The following NTM variants were observed in gnomAD, a reference collection of about 807,000 sequenced individuals.
NTM encodes the protein neurotrimin.
In NTM, 13 loss-of-function variants were observed where a neutral mutation model predicts 42.1. The ratio of observed to expected loss-of-function variants is 0.31; its 90% CI spans 0.20 to 0.49. The LOEUF (loss-of-function observed/expected upper bound fraction) is 0.49. NTM is among the 20% of genes least tolerant of loss of function. The probability of loss-of-function intolerance (pLI) is 0.99; values close to 1 mark genes in which losing one functional copy is unlikely to be tolerated. For missense variants in NTM, 373 were observed against 452.8 expected, an observed-to-expected ratio of 0.82 and a Z score of 1.60; for synonymous variants, 187 against 179.2, an observed-to-expected ratio of 1.04 and a Z score of -0.35.
chr11:131,926,537 G>A (rs1008954109), intron 2 of NTM, among the ~76,000 whole-genome samples: 15 of 152,088 alleles, frequency 9.9e-5, no homozygotes, highest in Admixed American at 6.6e-5. Flanking sequence ...GGAGGAGGAA[G>A]GGTCAAAGCT....
chr11:131,673,832 G>A (rs747630354), intron 1 of NTM, among the ~76,000 whole-genome samples: 23 of 152,140 alleles, frequency 1.5e-4, no homozygotes, highest in Admixed American at 3.9e-4. Context: ...CAAAGTGCCA[G>A]AACAAGGATT....
At chr11:131,759,330 C>A (rs2083781667) in intron 1 of NTM, among the ~76,000 whole-genome samples, 1 of 152,206 alleles carries the variant, frequency 6.6e-6, no homozygotes, top group South Asian at 2.1e-4. Context: ...ATTTCTGGGG[C>A]TGCAAAACCA....
intron 8 of NTM, 46 bp downstream of exon 8, chr11:132,330,231 A>G (rs1386547434): frequency 5.2e-6 from 8 of 1,531,090 alleles, no homozygotes; most frequent in African/African-American, 1.4e-5. Context: ...GGTGTGGGGT[A>G]TGTAAAACTC....
At chr11:131,996,856 A>T (rs1458705565) in intron 2 of NTM, among the ~76,000 whole-genome samples, 1 of 152,100 alleles carries the variant, frequency 6.6e-6, no homozygotes, top group Non-Finnish European at 1.5e-5. Flanking sequence ...ATTCTGAAGC[A>T]TCTCCTTCCT....
chr11:132,009,312 C>A (rs902054643), intron 2 of NTM, among the ~76,000 whole-genome samples: 2 of 152,136 alleles, frequency 1.3e-5, no homozygotes, highest in African/African-American at 4.8e-5. Context: ...TCATTGTGTA[C>A]CTGGCTGTCT....
At chr11:131,602,490 A>G (rs1393209251) in intron 1 of NTM, among the ~76,000 whole-genome samples, 2 of 152,164 alleles carry the variant, frequency 1.3e-5, no homozygotes, top group African/African-American at 2.4e-5. Context: ...TTCACTCCCC[A>G]TAGAGTTCCC....
At chr11:132,084,803 C>T (rs555909201) in intron 2 of NTM, among the ~76,000 whole-genome samples, 1 of 152,286 alleles carries the variant, frequency 6.6e-6, no homozygotes, top group African/African-American at 2.4e-5. Flanking sequence ...TTTACTATTA[C>T]ATGAAAATCT....
At chr11:131,974,653 C>T (rs1204773444) in intron 2 of NTM, among the ~76,000 whole-genome samples, 1 of 152,138 alleles carries the variant, frequency 6.6e-6, no homozygotes, top group East Asian at 1.9e-4. Context: ...TTGACCCTGG[C>T]ATTTATAAAA....
intron 1 of NTM, among the ~76,000 whole-genome samples, chr11:131,466,100 G>A (rs946335753): frequency 6.6e-6 from 1 of 152,208 alleles, no homozygotes; most frequent in African/African-American, 2.4e-5. Context: ...ATGTGAGCAG[G>A]TGCGTGATCT....
At chr11:132,204,216 G>A (rs2081599344) in intron 3 of NTM, among the ~76,000 whole-genome samples, 1 of 152,170 alleles carries the variant, frequency 6.6e-6, no homozygotes, top group African/African-American at 2.4e-5. Context: ...TATACAGCAG[G>A]TATTTAATAA....
At chr11:131,723,543 T>G (rs549763980) in intron 1 of NTM, among the ~76,000 whole-genome samples, 1 of 152,334 alleles carries the variant, frequency 6.6e-6, no homozygotes, top group Admixed American at 6.5e-5. Context: ...CTTCCTTCCT[T>G]TTTCTTTCCT....
At chr11:131,788,729 T>C (rs2089672803) in intron 1 of NTM, among the ~76,000 whole-genome samples, 1 of 152,190 alleles carries the variant, frequency 6.6e-6, no homozygotes, top group Non-Finnish European at 1.5e-5. Context: ...AGCAAATCTT[T>C]GGTATTTTTT....
At chr11:132,185,047 CT>C (rs2078181269) in intron 3 of NTM, among the ~76,000 whole-genome samples, 1 of 152,296 alleles carries the variant, frequency 6.6e-6, no homozygotes, top group Middle Eastern at 3.4e-3. Context: ...GGTATTTGAT[CT>C]GTTATTATCC....
chr11:131,496,868 G>A (rs1955399418), intron 1 of NTM, among the ~76,000 whole-genome samples: 1 of 152,166 alleles, frequency 6.6e-6, no homozygotes, highest in Non-Finnish European at 1.5e-5. Flanking sequence ...TTGGGAACAG[G>A]CACGGAGAGA....
At chr11:131,935,397 C>T (rs74468485) in intron 2 of NTM, among the ~76,000 whole-genome samples, 2,083 of 152,246 alleles carry the variant, frequency 0.014, 49 homozygotes, top group African/African-American at 0.048. Flanking sequence ...ACTTCCTTTT[C>T]CTACTTCACT....
chr11:131,886,712 C>T (rs1472704229), intron 1 of NTM, among the ~76,000 whole-genome samples: 1 of 152,166 alleles, frequency 6.6e-6, no homozygotes. Context: ...AGGGAGCTTT[C>T]CTACAAAGCT....
chr11:131,669,837 C>A (rs528060267), intron 1 of NTM, among the ~76,000 whole-genome samples: 45 of 152,300 alleles, frequency 3.0e-4, no homozygotes, highest in Non-Finnish European at 5.7e-4. Flanking sequence ...ATAAACTTGT[C>A]TGTGACTTCA....
rs57877862 is a variant in NTM, at chr11:132,273,309, G to GTTTTTTTTT, written c.527-34362_527-34354dup. Among the ~76,000 whole-genome samples the GTTTTTTTTT allele has an allele frequency of 5.4e-5, 3 of 55,656 alleles. 1 individual carries two copies. Among genetic ancestry groups the GTTTTTTTTT allele is most frequent in the Non-Finnish European group, 5.8e-5 (2 of 34,378 alleles). 36.5% of individuals were successfully genotyped at this position (55,656 alleles called of 152,430 possible). A position where few individuals can be genotyped will look rare whatever the true frequency, so the allele number is the denominator to read the frequency against. ...TTGTTGCCAGGTTTTGTTGACTAGT[G>GTTTTTTTTT]TTTTTTTTTTTTTTTTTTTTTTTTT... On this transcript the variant is annotated intron_variant, in intron 4 of 8. Transcript: ENST00000683400.
rs559977217 is a variant in NTM, at chr11:131,786,609, G to T, written c.83-124955G>T. 5.3e-5 allele frequency among the ~76,000 whole-genome samples: 8 copies of T among 152,258 alleles called. No individual in the cohort carries two copies. The South Asian group carries it at 1.0e-3, about 20-fold the overall frequency. On this transcript the variant is annotated intron_variant, in intron 1 of 8. Transcript: ENST00000683400. ...ATTTTTTTTAAAATAGTAAAACCCAGTGCCAGAGAGCTTGACATATACAGC... is the reference window on the plus strand; with the variant it reads ...ATTTTTTTTAAAATAGTAAAACCCATTGCCAGAGAGCTTGACATATACAGC...
Sources: allele counts gnomAD v4.1 joint callset (sites outside exome capture counted in the v4.1 genomes callset), GRCh38; gene constraint gnomAD v4.1.1; transcripts MANE v1.5; gene names NCBI Gene and HGNC (gene_info 2026-07-23, HGNC 2026-07-21).